The following RGPD3 variants were observed in gnomAD, a reference collection of about 807,000 sequenced individuals.
RGPD3 encodes the protein ranBP2-like and GRIP domain-containing protein 3.
RGPD3 carries 62 observed loss-of-function variants against 154.5 expected under a neutral mutation model. The observed-to-expected ratio is 0.40, with a 90% CI of 0.33 to 0.50. RGPD3 has a LOEUF of 0.50. Ranked by LOEUF, RGPD3 falls within the 20% of genes least tolerant of loss-of-function variation. The pLI is 0.59. For synonymous variants in RGPD3, 308 were observed against 607.0 expected, an observed-to-expected ratio of 0.51 and a Z score of 7.24; for missense variants, 919 against 1,716.8, an observed-to-expected ratio of 0.54 and a Z score of 8.21.
At chr2:106,461,687 C>A (rs1455364331) in intron 1 of RGPD3, among the ~76,000 whole-genome samples, 2 of 151,302 alleles carry the variant, frequency 1.3e-5, no homozygotes, top group Non-Finnish European at 2.9e-5. Flanking sequence ...ATTCCATTTA[C>A]AATCGCATCT....
At position 106,424,552 on chromosome 2, in the gene RGPD3, C is replaced by G; in HGVS notation, c.3415G>C (p.Asp1139His). 6.2e-7 allele frequency: 1 copy of G among 1,609,850 alleles called. No individual in the cohort carries two copies. The highest frequency in any genetic ancestry group is 1.3e-5 in the African/African-American group (1 of 74,776). ...AATCGCTCTAGTTTGGCATCACCAT[C>G]AGAGAAATCACTGGCTGACCACATC... ...AWMWSASDFSDGDAKLERLAA... is the reference protein window; with the variant it reads ...AWMWSASDFSHGDAKLERLAA... Residue 1139 changes from aspartate (D) to histidine (H), a missense_variant, in exon 20 of 23, where the codon GAT (aspartate) becomes CAT (histidine). Physicochemically the swap from Asp to His is moderately conservative, Grantham distance 81. Transcript: ENST00000409886.
intron 1 of RGPD3, among the ~76,000 whole-genome samples, chr2:106,461,431 A>C (rs1345762305): frequency 1.3e-5 from 2 of 152,224 alleles, no homozygotes; most frequent in East Asian, 3.9e-4. Flanking sequence ...TACAGCATGA[A>C]TATGTTGGAC....
chr2:106,466,057 C>A (rs1336244899), intron 1 of RGPD3, among the ~76,000 whole-genome samples: 1 of 151,902 alleles, frequency 6.6e-6, no homozygotes, highest in Non-Finnish European at 1.5e-5. Flanking sequence ...AGAAACCCGC[C>A]GATACAGCAC....
intron 22 of RGPD3, among the ~76,000 whole-genome samples, chr2:106,410,068 G>T (rs1334992496): frequency 6.6e-6 from 1 of 151,586 alleles, no homozygotes; most frequent in Non-Finnish European, 1.5e-5. Context: ...TAGAGAGGGG[G>T]TTTCACCATG....
intron 22 of RGPD3, 67 bp from the exon 23 acceptor site, chr2:106,405,296 T>C: frequency 1.4e-6 from 2 of 1,435,774 alleles, no homozygotes; most frequent in Admixed American, 3.9e-5. Context: ...AAAATCTATA[T>C]TTTAGAACCA....
Position 106,436,606 on chromosome 2 carries a change from AAAGTT to A in RGPD3, c.1459-22_1459-18del, listed in dbSNP as rs1677566417. On this transcript the variant is annotated intron_variant, in intron 10 of 22. Transcript: ENST00000409886. ...GAGAAATACCTGTTTCATTTAAGGAAAAGTTAAGTTAGAAAAAAAAATTAAACAAA... is the reference window on the plus strand; with the variant it reads ...GAGAAATACCTGTTTCATTTAAGGAAAAGTTAGAAAAAAAAATTAAACAAA... 1 of 1,611,686 alleles carries A rather than the reference AAAGTT, an allele frequency of 6.2e-7. No individual in the cohort carries two copies. The highest frequency in any genetic ancestry group is 8.5e-7 in the Non-Finnish European group (1 of 1,179,800).
chr2:106,406,313 C>G (rs1285132160), intron 22 of RGPD3, among the ~76,000 whole-genome samples: 1 of 149,408 alleles, frequency 6.7e-6, no homozygotes, highest in East Asian at 1.9e-4. Flanking sequence ...AAAGTTCTCC[C>G]TGGCTGCTTC....
At chr2:106,440,396 C>T (rs1470664328) in intron 8 of RGPD3, among the ~76,000 whole-genome samples, 2 of 151,288 alleles carry the variant, frequency 1.3e-5, no homozygotes, top group Non-Finnish European at 2.9e-5. Flanking sequence ...GAGGCACCCT[C>T]GGGATGCCCA....
chr2:106,449,213 C>G (rs1678032413), intron 6 of RGPD3, among the ~76,000 whole-genome samples: 1 of 150,464 alleles, frequency 6.6e-6, no homozygotes, highest in Non-Finnish European at 1.5e-5. Flanking sequence ...ACATGTAATT[C>G]CAGCACTTTG....
chr2:106,438,020 C>T (rs1167117839), intron 9 of RGPD3, among the ~76,000 whole-genome samples: 1 of 152,232 alleles, frequency 6.6e-6, no homozygotes, highest in Non-Finnish European at 1.5e-5. Context: ...CAACCTCCAC[C>T]TCCCGGTTGA....
Position 106,423,823 on chromosome 2 carries a change from T to C in RGPD3, c.4144A>G (p.Ile1382Val). The C allele has an allele frequency of 1.2e-6, 2 of 1,612,032 alleles. No individual in the cohort carries two copies. The highest frequency in any genetic ancestry group is 1.7e-6 in the Non-Finnish European group (2 of 1,179,872). ...TTATCATAATTCTGTAAAATCTTTATATCACCAATGCCCCTTTCTTTCCAT... is the reference window on the plus strand; with the variant it reads ...TTATCATAATTCTGTAAAATCTTTACATCACCAATGCCCCTTTCTTTCCAT... The part of the protein sequence containing the change: ...GQWKERGIGD[I>V]KILQNYDNKH... Residue 1382 changes from isoleucine (I) to valine (V), a missense_variant, in exon 20 of 23, where the codon ATA becomes GTA. Ile to Val is a conservative substitution (Grantham distance 29). Coordinates refer to ENST00000409886, the MANE Select transcript of RGPD3 (RefSeq NM_001144013.2).
chr2:106,420,387 C>T (rs866310341), intron 20 of RGPD3, among the ~76,000 whole-genome samples: 2,699 of 151,758 alleles, frequency 0.018, 31 homozygotes, highest in African/African-American at 0.061. Context: ...TTCTGATCTA[C>T]TAATGTAAAG....
chr2:106,425,129 G>A lies in RGPD3; in HGVS notation c.2838C>T (p.Gly946=). 1 of 1,611,958 alleles carries A rather than the reference G, an allele frequency of 6.2e-7. No homozygotes were observed. Among genetic ancestry groups the A allele is most frequent in the Non-Finnish European group, 8.5e-7 (1 of 1,179,842 alleles). The part of the protein sequence containing the change: ...KSEKPLENDT[G]LQAQDISGRK... The stretch of plus-strand genomic sequence containing the variant: ...GGCCACTAATATCCTGAGCCTGTAA[G>A]CCAGTATCATTTTCAAGAGGCTTTT... Residue 946 remains glycine (G), a synonymous_variant, in exon 20 of 23, where the codon GGC becomes GGT. Coordinates refer to ENST00000409886, the MANE Select transcript of RGPD3 (RefSeq NM_001144013.2).
intron 1 of RGPD3, among the ~76,000 whole-genome samples, chr2:106,464,460 CAACT>C (rs1462483298): frequency 1.3e-5 from 2 of 150,564 alleles, no homozygotes; most frequent in Non-Finnish European, 3.0e-5. Flanking sequence ...GCAGAAAAAA[CAACT>C]AACAGCTGTC....
chr2:106,461,882 G>A (rs1291948157), intron 1 of RGPD3, among the ~76,000 whole-genome samples: 10 of 151,708 alleles, frequency 6.6e-5, no homozygotes, highest in African/African-American at 2.4e-4. Flanking sequence ...ACAACAGTCA[G>A]GACAGCACGT....
chr2:106,470,394 A>G (rs1208547662), upstream of RGPD3, among the ~76,000 whole-genome samples: 1 of 152,210 alleles, frequency 6.6e-6, no homozygotes, highest in Non-Finnish European at 1.5e-5. Flanking sequence ...CCAAGGTCCA[A>G]ACGAAGACTG....
At chr2:106,426,720 C>A (rs1309575479) in intron 18 of RGPD3, among the ~76,000 whole-genome samples, 1 of 152,244 alleles carries the variant, frequency 6.6e-6, no homozygotes, top group African/African-American at 2.4e-5. Flanking sequence ...CTGTTAATGA[C>A]AAAACTACCA....
intron 9 of RGPD3, among the ~76,000 whole-genome samples, chr2:106,437,680 C>G (rs985004740): frequency 1.3e-5 from 2 of 152,036 alleles, no homozygotes; most frequent in East Asian, 1.9e-4. Context: ...CATGAAGACA[C>G]TTTTTGTTGA....
chr2:106,429,405 G>C (rs1274025391), intron 18 of RGPD3, among the ~76,000 whole-genome samples: 8 of 151,356 alleles, frequency 5.3e-5, no homozygotes, highest in African/African-American at 2.0e-4. Context: ...CTCATCTGAG[G>C]TGTGGATTAA....
Sources: allele counts gnomAD v4.1 joint callset (sites outside exome capture counted in the v4.1 genomes callset), GRCh38; gene constraint gnomAD v4.1.1; transcripts MANE v1.5; gene names NCBI Gene and HGNC (gene_info 2026-07-23, HGNC 2026-07-21).